RAB38: variants seen among roughly 807,000 people sequenced by gnomAD.
The protein encoded by RAB38 is RAB38, member RAS oncogene family.
In RAB38, 15 loss-of-function variants were observed where a neutral mutation model predicts 18.4. That is an observed-to-expected ratio of 0.82 (90% CI 0.55 to 1.26). RAB38 has a LOEUF of 1.26. Among genes scored for constraint, RAB38 ranks in the 50% most tolerant of loss-of-function variants. RAB38 has a pLI of 0.00. For missense variants in RAB38, 294 were observed against 267.4 expected (o/e 1.10, Z -0.69); for synonymous variants, 101 against 104.4 (o/e 0.97, Z 0.20).
At chr11:88,053,159 TACACACA>T in the RAB38 span, among the ~76,000 whole-genome samples, 1 of 111,946 alleles carries the variant, frequency 8.9e-6, no homozygotes, top group African/African-American at 3.4e-5. Flanking sequence ...AATATATATA[TACACACA>T]TATATATGGA....
chr11:88,019,085 T>G, the RAB38 span, among the ~76,000 whole-genome samples: 1 of 145,754 alleles, frequency 6.9e-6, no homozygotes, highest in Non-Finnish European at 1.5e-5. Context: ...GCAATTCATA[T>G]TTTTTTTCCT....
chr11:87,977,943 T>C, the RAB38 span, among the ~76,000 whole-genome samples: 1 of 113,308 alleles, frequency 8.8e-6, no homozygotes, highest in Non-Finnish European at 1.7e-5. Context: ...TTATATAATA[T>C]ATTAATATAA....
At chr11:87,868,398 G>C in the RAB38 span, among the ~76,000 whole-genome samples, 2 of 151,564 alleles carry the variant, frequency 1.3e-5, no homozygotes, top group Non-Finnish European at 1.5e-5. Context: ...TTAGTGCTAT[G>C]CTTCTTGTCA....
At chr11:87,912,650 C>T in the RAB38 span, among the ~76,000 whole-genome samples, 1 of 151,568 alleles carries the variant, frequency 6.6e-6, no homozygotes, top group Non-Finnish European at 1.5e-5. Flanking sequence ...CTTTAAAGAA[C>T]CAGCTTTTGG....
chr11:87,961,444 G>A, the RAB38 span, among the ~76,000 whole-genome samples: 1 of 152,134 alleles, frequency 6.6e-6, no homozygotes, highest in Non-Finnish European at 1.5e-5. Flanking sequence ...GAGTATCACA[G>A]CCGTGCAAGT....
chr11:87,925,608 T>A, the RAB38 span, among the ~76,000 whole-genome samples: 5 of 152,060 alleles, frequency 3.3e-5, no homozygotes, highest in Admixed American at 3.3e-4. Context: ...ATGGAAATCA[T>A]CTTGGCTGGT....
chr11:87,919,265 T>C, the RAB38 span, among the ~76,000 whole-genome samples: 25 of 152,178 alleles, frequency 1.6e-4, no homozygotes, highest in Middle Eastern at 3.4e-3. Flanking sequence ...ATGGCCTTTA[T>C]TGTGTTGTGG....
chr11:88,003,875 T>TAATATATA, the RAB38 span, among the ~76,000 whole-genome samples: 3 of 2,062 alleles, frequency 1.5e-3, 1 homozygote, highest in African/African-American at 3.0e-3. Context: ...TAATTATATA[T>TAATATATA]TTATATATAT....
At chr11:88,075,675 G>T in the RAB38 span, among the ~76,000 whole-genome samples, 15 of 152,094 alleles carry the variant, frequency 9.9e-5, no homozygotes, top group Non-Finnish European at 5.9e-5. Flanking sequence ...GAGCTGAGGG[G>T]TTCAAGGCTA....
the RAB38 span, among the ~76,000 whole-genome samples, chr11:88,077,018 G>A: frequency 9.1e-6 from 1 of 109,946 alleles, no homozygotes; most frequent in Non-Finnish European, 2.1e-5. Context: ...GAAAAGAAAA[G>A]AAAAGAAAAG....
chr11:88,066,722 A>G, the RAB38 span, among the ~76,000 whole-genome samples: 1 of 152,150 alleles, frequency 6.6e-6, no homozygotes, highest in Non-Finnish European at 1.5e-5. Flanking sequence ...CTCTCTAAAA[A>G]CTAGACATAA....
chr11:87,942,352 A>G, the RAB38 span, among the ~76,000 whole-genome samples: 1 of 152,166 alleles, frequency 6.6e-6, no homozygotes, highest in Admixed American at 6.6e-5. Flanking sequence ...TTGAGTCTCA[A>G]AATTTTTCAT....
the RAB38 span, among the ~76,000 whole-genome samples, chr11:87,826,602 GAGTC>G: frequency 1.3e-5 from 2 of 152,092 alleles, no homozygotes; most frequent in Non-Finnish European, 2.9e-5. Context: ...AGCTCTTTCT[GAGTC>G]AGTCAATTTG....
At chr11:88,056,943 T>C in the RAB38 span, among the ~76,000 whole-genome samples, 1 of 152,224 alleles carries the variant, frequency 6.6e-6, no homozygotes, top group African/African-American at 2.4e-5. Flanking sequence ...TCCCAGTTTC[T>C]TCAGTGATTC....
chr11:87,859,811 C>G, the RAB38 span, among the ~76,000 whole-genome samples: 6 of 151,984 alleles, frequency 3.9e-5, no homozygotes, highest in South Asian at 2.1e-4. Context: ...GGCTCCATTC[C>G]CAGACAGGTT....
chr11:88,111,624 A>G (rs909925036), downstream of RAB38, among the ~76,000 whole-genome samples: 1 of 152,188 alleles, frequency 6.6e-6, no homozygotes, highest in Admixed American at 6.5e-5. Flanking sequence ...TAAGACACAG[A>G]ACCAAATATG....
chr11:87,893,357 A>G, the RAB38 span, among the ~76,000 whole-genome samples: 1 of 43,752 alleles, frequency 2.3e-5, no homozygotes, highest in Non-Finnish European at 4.2e-5. Flanking sequence ...ACATATATAT[A>G]CCTATATATT....
At chr11:87,823,619 T>C in the RAB38 span, among the ~76,000 whole-genome samples, 31 of 152,152 alleles carry the variant, frequency 2.0e-4, no homozygotes, top group Non-Finnish European at 2.9e-4. Context: ...CACATGTCAA[T>C]TGATTTTTGA....
At chr11:87,940,925 C>G in the RAB38 span, among the ~76,000 whole-genome samples, 7 of 152,042 alleles carry the variant, frequency 4.6e-5, no homozygotes, top group East Asian at 1.2e-3. Flanking sequence ...AGCCACCACG[C>G]CCAGCCCAGA....
Sources: gnomAD v4.1 joint callset for allele counts (sites outside exome capture counted in the v4.1 genomes callset) on GRCh38, gnomAD v4.1.1 for gene constraint, MANE v1.5 for transcripts, NCBI Gene and HGNC (gene_info 2026-07-23, HGNC 2026-07-21) for gene names.